Variants in ROBO2 observed in about 807,000 individuals in gnomAD.
ROBO2 encodes roundabout homolog 2.
ROBO2 carries 53 observed loss-of-function variants against 160.8 expected under a neutral mutation model. The ratio of observed to expected loss-of-function variants is 0.33; its 90% CI spans 0.26 to 0.41. The LOEUF is 0.41. Among genes scored for constraint, ROBO2 ranks in the 10% least tolerant of loss-of-function variants. ROBO2 has a pLI of 1.00. For missense variants in ROBO2, 1,577 were observed against 1,722.4 expected, an observed-to-expected ratio of 0.92 and a Z score of 1.49; for synonymous variants, 664 against 611.7, an observed-to-expected ratio of 1.09 and a Z score of -1.26.
Position 76,574,437 on chromosome 3 carries a change from G to A in ROBO2, c.110-523577G>A, listed in dbSNP as rs1325167451. Among the ~76,000 whole-genome samples the A allele has an allele frequency of 2.0e-5, 3 of 152,088 alleles. 1 individual carries two copies. Among genetic ancestry groups the A allele is most frequent in the Non-Finnish European group, 1.5e-5 (1 of 67,994 alleles). On this transcript the variant is annotated intron_variant, in intron 2 of 26. Coordinates refer to the ROBO2 transcript ENST00000487694. ...TTTGAATCACATAAAAACTTTCAAT[G>A]ATGTTAGCAGGAGTCAGCTTCTATA... is the stretch of plus-strand genomic sequence containing the variant.
chr3:77,485,875 C>T (rs1440860662), intron 4 of ROBO2, among the ~76,000 whole-genome samples: 1 of 152,104 alleles, frequency 6.6e-6, no homozygotes, highest in African/African-American at 2.4e-5. Context: ...CACAGATTAA[C>T]CTATCACCTA....
intron 2 of ROBO2, among the ~76,000 whole-genome samples, chr3:76,008,976 C>A (rs542745186): frequency 6.6e-6 from 1 of 152,164 alleles, no homozygotes; most frequent in Non-Finnish European, 1.5e-5. Flanking sequence ...AATGGTAATA[C>A]GCTGGGGGAA....
intron 2 of ROBO2, among the ~76,000 whole-genome samples, chr3:76,328,445 A>G (rs531785595): frequency 7.9e-5 from 12 of 152,322 alleles, no homozygotes; most frequent in African/African-American, 2.9e-4. Flanking sequence ...TTCCTAGTAT[A>G]ACATATATCA....
chr3:76,153,388 A>G (rs1280211056), intron 2 of ROBO2, among the ~76,000 whole-genome samples: 2 of 152,154 alleles, frequency 1.3e-5, no homozygotes, highest in African/African-American at 4.8e-5. Flanking sequence ...CATCTTAAGG[A>G]TAATCAAGTG....
intron 2 of ROBO2, among the ~76,000 whole-genome samples, chr3:77,135,562 G>A (rs555896261): frequency 2.7e-4 from 41 of 151,870 alleles, no homozygotes; most frequent in Admixed American, 2.3e-3. Context: ...CACCATATCC[G>A]GCTAATTTTT....
intron 2 of ROBO2, among the ~76,000 whole-genome samples, chr3:77,300,944 C>A (rs1025963851): frequency 6.6e-6 from 1 of 151,612 alleles, no homozygotes; most frequent in East Asian, 1.9e-4. Context: ...TGATCTTGGC[C>A]ACTAACATCC....
intron 2 of ROBO2, among the ~76,000 whole-genome samples, chr3:77,164,458 G>A (rs1305033877): frequency 1.6e-5 from 2 of 125,936 alleles, no homozygotes; most frequent in African/African-American, 2.9e-5. Flanking sequence ...CCCCCCGCCT[G>A]GCCAGCAGTG....
intron 2 of ROBO2, among the ~76,000 whole-genome samples, chr3:77,235,886 C>T (rs1353228552): frequency 2.6e-5 from 4 of 152,190 alleles, no homozygotes; most frequent in African/African-American, 4.8e-5. Flanking sequence ...CCCACACTGA[C>T]GTGGTACATT....
At chr3:76,221,868 G>A (rs1703989831) in intron 2 of ROBO2, among the ~76,000 whole-genome samples, 1 of 152,040 alleles carries the variant, frequency 6.6e-6, no homozygotes, top group Non-Finnish European at 1.5e-5. Context: ...TGGAAGCATT[G>A]CACCCACGGA....
intron 2 of ROBO2, among the ~76,000 whole-genome samples, chr3:77,007,891 T>C (rs2061665099): frequency 6.6e-6 from 1 of 152,080 alleles, no homozygotes; most frequent in African/African-American, 2.4e-5. Context: ...ATAATGTTCA[T>C]ATTTACTTGC....
chr3:76,440,255 T>A lies in ROBO2; in HGVS notation c.109+502653T>A, dbSNP rs115300379. ...AAAAGTACTTTTTTTATTTTATTTT[T>A]TTTTTATTATTATACATTAAGTTTT... is the stretch of plus-strand genomic sequence containing the variant. On this transcript the variant is annotated intron_variant, in intron 2 of 26. Coordinates refer to the ROBO2 transcript ENST00000487694. Among the ~76,000 whole-genome samples, 1,503 of 152,242 alleles carry A rather than the reference T, an allele frequency of 9.9e-3. 21 individuals carry two copies. The highest frequency in any genetic ancestry group is 0.034 in the African/African-American group (1,394 of 41,562).
chr3:76,113,693 T>G (rs182456123), intron 2 of ROBO2, among the ~76,000 whole-genome samples: 1 of 152,172 alleles, frequency 6.6e-6, no homozygotes, highest in East Asian at 1.9e-4. Flanking sequence ...AAGGATTTAA[T>G]GCACTTATAA....
intron 2 of ROBO2, among the ~76,000 whole-genome samples, chr3:76,297,397 G>C (rs1283395931): frequency 2.0e-5 from 3 of 151,980 alleles, no homozygotes; most frequent in African/African-American, 7.2e-5. Flanking sequence ...CATTTCCCTG[G>C]TCATCTCTGA....
chr3:76,283,703 A>G (rs1289071793), intron 2 of ROBO2, among the ~76,000 whole-genome samples: 1 of 152,024 alleles, frequency 6.6e-6, no homozygotes, highest in African/African-American at 2.4e-5. Context: ...AAGAAATGCT[A>G]AAATGAAGAA....
chr3:76,273,498 C>T (rs1456686320), intron 2 of ROBO2, among the ~76,000 whole-genome samples: 1 of 152,062 alleles, frequency 6.6e-6, no homozygotes, highest in Non-Finnish European at 1.5e-5. Context: ...ACTCACAGTT[C>T]TTCATGGCTG....
At chr3:76,333,645 C>T (rs1291052907) in intron 2 of ROBO2, among the ~76,000 whole-genome samples, 1 of 152,138 alleles carries the variant, frequency 6.6e-6, no homozygotes, top group Non-Finnish European at 1.5e-5. Context: ...TCAAAAGTTT[C>T]TCCCTCAAAA....
intron 1 of ROBO2, among the ~76,000 whole-genome samples, chr3:75,935,584 A>G (rs1947737073): frequency 6.6e-6 from 1 of 152,322 alleles, no homozygotes; most frequent in South Asian, 2.1e-4. Flanking sequence ...CACGTTATCC[A>G]TAGTATATGT....
chr3:77,510,039 T>C (rs1022127320), intron 5 of ROBO2, among the ~76,000 whole-genome samples: 5 of 151,558 alleles, frequency 3.3e-5, no homozygotes, highest in African/African-American at 1.2e-4. Context: ...AATTCTGGGG[T>C]ATAGTTGAGT....
intron 2 of ROBO2, among the ~76,000 whole-genome samples, chr3:76,603,246 G>A (rs2087304066): frequency 6.7e-6 from 1 of 149,112 alleles, no homozygotes; most frequent in African/African-American, 2.5e-5. Context: ...GCAGGAGAAT[G>A]GCGTGAACCC....
Sources: allele counts gnomAD v4.1 joint callset (sites outside exome capture counted in the v4.1 genomes callset), GRCh38; gene constraint gnomAD v4.1.1; transcripts MANE v1.5; gene names NCBI Gene and HGNC (gene_info 2026-07-23, HGNC 2026-07-21).